CD101: variants seen among roughly 807,000 people sequenced by gnomAD.
CD101 encodes immunoglobulin superfamily member 2.
A neutral mutation model predicts 98.2 loss-of-function variants in CD101; 76 were observed. The ratio of observed to expected loss-of-function variants is 0.77; its 90% confidence interval spans 0.64 to 0.94. CD101 has a LOEUF of 0.94. Ranked by LOEUF, CD101 falls within the 40% of genes least tolerant of loss-of-function variation. The pLI, the probability that CD101 is intolerant of heterozygous loss-of-function variation, is 0.00. For missense variants in CD101, 1,145 were observed against 1,218.8 expected (o/e 0.94, Z 0.90); for synonymous variants, 471 against 472.7 (o/e 1.00, Z 0.05).
At position 117,009,954 on chromosome 1, in the gene CD101, G is replaced by T; in HGVS notation, c.148G>T (p.Gly50Ter). Reference protein sequence around the residue: ...SIGCNVTGHQGPSEQHFQWSV... With the variant: ...SIGCNVTGHQ ...TGGCTGCAATGTAACTGGCCACCAG[G>T]GACCTTCTGAGCAGCATTTCCAGTG... The change falls in exon 2 of 10, where the codon GGA (glycine) becomes TGA (stop). Residue 50 changes from glycine (G) to a stop codon, truncating the protein, a stop_gained. Transcript: ENST00000682167. LOFTEE classifies it high-confidence loss of function. The T allele has an allele frequency of 6.2e-7, 1 of 1,614,156 alleles. No individual in the cohort carries two copies.
In CD101 at chr1:117,012,401, C is replaced by T. The variant is rs1329307834; in HGVS notation, c.841+435C>T. On this transcript the variant is annotated intron_variant, in intron 3 of 9. Transcript: ENST00000682167. This position sits in a 1 kb window ranked among gnomAD's most constrained non-coding sequence, Gnocchi z 4.0. The stretch of plus-strand genomic sequence containing the variant: ...ACCCAGCTGGTGAGAGTGGGGCTGG[C>T]ATTCAAAGGGAGGCCTGTCTCTCTC... Among the ~76,000 whole-genome samples, 1 of 152,160 alleles carries T rather than the reference C, an allele frequency of 6.6e-6. No individual in the cohort carries two copies. The highest frequency in any genetic ancestry group is 2.4e-5 in the African/African-American group (1 of 41,432).
chr1:117,016,570 T>G (rs530914559), intron 4 of CD101, among the ~76,000 whole-genome samples: 1 of 152,262 alleles, frequency 6.6e-6, no homozygotes, highest in African/African-American at 2.4e-5. Flanking sequence ...GATAAATTGT[T>G]TAAGTAAGCT....
In CD101 at chr1:117,022,412, C is replaced by G. The variant is rs1212391707; in HGVS notation, c.2428+429C>G. Among the ~76,000 whole-genome samples the G allele has an allele frequency of 6.6e-6, 1 of 152,184 alleles. No homozygotes were observed. The highest frequency in any genetic ancestry group is 1.5e-5 in the Non-Finnish European group (1 of 68,038). ...TCTATGGGGATGTGTGGAGAAATTGCTTCTCAACATTTAGCTGCCTAAACA... is the reference window on the plus strand; with the variant it reads ...TCTATGGGGATGTGTGGAGAAATTGGTTCTCAACATTTAGCTGCCTAAACA... On this transcript the variant is annotated intron_variant, in intron 7 of 9. Transcript: ENST00000682167. The surrounding 1 kb of genome is among the most constrained non-coding windows in gnomAD (Gnocchi z 4.8).
Position 117,025,775 on chromosome 1 carries a change from G to A in CD101, c.2695G>A (p.Val899Met). Residue 899 changes from valine to methionine, a missense_variant, in exon 8 of 10, where the codon GTG becomes ATG. By Grantham distance (21) the Val-to-Met change is conservative. Coordinates refer to ENST00000682167, the MANE Select transcript of CD101 (RefSeq NM_001256106.3). ...STDFVLKLHQ[V>M]EMEDAGMYWC... ...AGACTTTGTCCTGAAGCTTCATCAG[G>A]TGGAGATGGAGGATGCAGGAATGTA... 1 of 1,614,222 alleles carries A rather than the reference G, an allele frequency of 6.2e-7. No individual in the cohort carries two copies. The highest frequency in any genetic ancestry group is 8.5e-7 in the Non-Finnish European group (1 of 1,180,054).
intron 4 of CD101, among the ~76,000 whole-genome samples, chr1:117,016,186 T>TTA (rs72484956): frequency 1.4e-3 from 203 of 142,650 alleles, no homozygotes; most frequent in Non-Finnish European, 1.9e-3. Flanking sequence ...AGACACACAT[T>TTA]TATATATATA....
At chr1:117,034,264 G>A (rs182336907) in intron 9 of CD101, 130 bp downstream of exon 9, 19 of 773,014 alleles carry the variant, frequency 2.5e-5, no homozygotes, top group Admixed American at 1.6e-4. Context: ...TTGGTTCTAC[G>A]CACTGTTAGG....
chr1:117,011,127 GATT>G (rs1222439129), intron 2 of CD101, among the ~76,000 whole-genome samples: 3 of 152,188 alleles, frequency 2.0e-5, no homozygotes, highest in Non-Finnish European at 4.4e-5. Context: ...TACATTATTA[GATT>G]ATTACACAGC....
chr1:117,005,319 T>C lies in CD101; in HGVS notation c.43+3459T>C, dbSNP rs1407562273. Among the ~76,000 whole-genome samples, 1 of 152,136 alleles carries C rather than the reference T, an allele frequency of 6.6e-6. No individual in the cohort carries two copies. The highest frequency in any genetic ancestry group is 2.4e-5 in the African/African-American group (1 of 41,418). The stretch of plus-strand genomic sequence containing the variant: ...TAGCTGCCATCCTAATCTTCATTTT[T>C]CCTTCTCCATGAAACTCCTGGAAGT... On this transcript the variant is annotated intron_variant, in intron 1 of 9. Transcript: ENST00000682167. This position sits in a 1 kb window ranked among gnomAD's most constrained non-coding sequence, Gnocchi z 4.4.
chr1:117,021,334 A>G lies in CD101; in HGVS notation c.2018-239A>G, dbSNP rs1653568491. Among the ~76,000 whole-genome samples, 1 of 152,222 alleles carries G rather than the reference A, an allele frequency of 6.6e-6. No individual in the cohort carries two copies. The highest frequency in any genetic ancestry group is 1.5e-5 in the Non-Finnish European group (1 of 68,036). ...GTGGATGGAAGTTATGAAGAGATAAAGTTCAACTTGATATCAGAAAGCATT... is the reference window on the plus strand; with the variant it reads ...GTGGATGGAAGTTATGAAGAGATAAGGTTCAACTTGATATCAGAAAGCATT... On this transcript the variant is annotated intron_variant, in intron 6 of 9. Coordinates refer to ENST00000682167, the MANE Select transcript of CD101 (RefSeq NM_001256106.3). The surrounding 1 kb of genome is among the most constrained non-coding windows in gnomAD (Gnocchi z 4.7).
At chr1:117,016,186 T>A (rs1048895878) in intron 4 of CD101, among the ~76,000 whole-genome samples, 1 of 142,664 alleles carries the variant, frequency 7.0e-6, no homozygotes, top group South Asian at 2.2e-4. Flanking sequence ...AGACACACAT[T>A]TATATATATA....
At chr1:117,007,452 A>AT (rs1218155996) in intron 1 of CD101, among the ~76,000 whole-genome samples, 2 of 151,246 alleles carry the variant, frequency 1.3e-5, no homozygotes, top group East Asian at 3.9e-4. Flanking sequence ...AGTTCAAGCG[A>AT]TTTTCTTGCC....
In CD101 at chr1:117,018,473, G is replaced by A. The variant is rs1337461638; in HGVS notation, c.1930G>A (p.Val644Ile). Reference sequence around the variant, plus strand: ...AGGAGTGTATCAGTGTGAAGTAGAAGTTTATGACAGAAATTCCCTATACAA... The same window carrying A: ...AGGAGTGTATCAGTGTGAAGTAGAAATTTATGACAGAAATTCCCTATACAA... The part of the protein sequence containing the change: ...ETGVYQCEVE[V>I]YDRNSLYNNR... Residue 644 changes from valine to isoleucine, a missense_variant, in exon 6 of 10, where the codon GTT becomes ATT. Val to Ile is a conservative substitution (Grantham distance 29, BLOSUM62 3). Transcript: ENST00000682167. This position sits in a 1 kb window ranked among gnomAD's most constrained non-coding sequence, Gnocchi z 4.3. 5 of 1,614,182 alleles carry A rather than the reference G, an allele frequency of 3.1e-6. No homozygotes were observed. Among genetic ancestry groups the A allele is most frequent in the East Asian group, 2.2e-5 (1 of 44,888 alleles).
intron 8 of CD101, among the ~76,000 whole-genome samples, chr1:117,029,215 AAGAAAGAAAG>A (rs1654223170): frequency 7.8e-5 from 2 of 25,588 alleles, no homozygotes; most frequent in Non-Finnish European, 1.3e-4. Flanking sequence ...AAAGAAAGAA[AAGAAAGAAAG>A]AAAGAAAGAA....
In CD101 at chr1:117,025,606, A is replaced by C; in HGVS notation, c.2526A>C (p.Ser842=). 6.2e-6 allele frequency: 10 copies of C among 1,613,994 alleles called. No homozygotes were observed. The highest frequency in any genetic ancestry group is 8.5e-6 in the Non-Finnish European group (10 of 1,179,980). The part of the protein sequence containing the change: ...IRCSLESVGS[S]ATLYSVMWYW... ...GCAGCCTGGAGAGTGTAGGCAGCTC[A>C]GCCACTCTGTACTCTGTGATGTGGT... Residue 842 remains serine (S), a synonymous_variant, in exon 8 of 10, where the codon TCA becomes TCC. Transcript: ENST00000682167.
At chr1:117,027,633 G>A (rs1654025071) in intron 8 of CD101, among the ~76,000 whole-genome samples, 1 of 152,248 alleles carries the variant, frequency 6.6e-6, no homozygotes, top group Non-Finnish European at 1.5e-5. Context: ...GATGAGACCA[G>A]TGAGGAGGGA....
intron 4 of CD101, among the ~76,000 whole-genome samples, chr1:117,015,027 C>T (rs1653123776): frequency 6.6e-6 from 1 of 152,198 alleles, no homozygotes; most frequent in African/African-American, 2.4e-5. Context: ...GGGAATTTCA[C>T]CTGAAGGGGA....
intron 9 of CD101, among the ~76,000 whole-genome samples, chr1:117,035,135 C>T (rs985233522): frequency 1.3e-5 from 2 of 152,216 alleles, no homozygotes; most frequent in African/African-American, 4.8e-5. Context: ...GCTGTCCCCA[C>T]TGGGCCTACA....
At chr1:117,013,007 A>G (rs1042300776) in intron 3 of CD101, among the ~76,000 whole-genome samples, 2 of 152,180 alleles carry the variant, frequency 1.3e-5, no homozygotes, top group African/African-American at 2.4e-5. Flanking sequence ...ATTCTGCTGG[A>G]TATTCTTAGC....
intron 7 of CD101, among the ~76,000 whole-genome samples, chr1:117,024,129 TA>T (rs1653754304): frequency 6.6e-6 from 1 of 152,190 alleles, no homozygotes; most frequent in Non-Finnish European, 1.5e-5. Context: ...GTAAAAATGG[TA>T]ACTAAGAAAG....
Sources: gnomAD v4.1 joint callset for allele counts (sites outside exome capture counted in the v4.1 genomes callset) on GRCh38, gnomAD v4.1.1 for gene constraint, Gnocchi (gnomAD v3.1) non-coding constraint, MANE v1.5 for transcripts, NCBI Gene and HGNC (gene_info 2026-07-23, HGNC 2026-07-21) for gene names.